ADSS2: variants seen among roughly 807,000 people sequenced by gnomAD.
ADSS2 encodes the protein adenylosuccinate synthase 2, also known as adenylosuccinate synthetase isozyme 2.
In ADSS2, 30 loss-of-function variants were observed where a neutral mutation model predicts 60.0. The ratio of observed to expected loss-of-function variants is 0.50; its 90% CI spans 0.37 to 0.68. The LOEUF (loss-of-function observed/expected upper bound fraction) is 0.68. Among genes scored for constraint, ADSS2 ranks in the 30% least tolerant of loss-of-function variants. The pLI is 0.00. For synonymous variants in ADSS2, 187 were observed against 193.1 expected, an observed-to-expected ratio of 0.97 and a Z score of 0.26; for missense variants, 373 against 554.8, an observed-to-expected ratio of 0.67 and a Z score of 3.29.
rs73129729 is a variant in ADSS2 at position 244,437,461 on chromosome 1, T to C, written c.286+205A>G. On this transcript the variant is annotated intron_variant, in intron 2 of 12. Coordinates refer to ENST00000366535, the MANE Select transcript of ADSS2 (RefSeq NM_001126.5). ...AGCACAGATGAATGCAAAGTAATCATTCCAAAAAGTATTACTGTTAAAAGA... is the reference window on the plus strand; with the variant it reads ...AGCACAGATGAATGCAAAGTAATCACTCCAAAAAGTATTACTGTTAAAAGA... 5.4e-3 allele frequency among the ~76,000 whole-genome samples: 829 copies of C among 152,274 alleles called. 15 individuals carry two copies. The highest frequency in any genetic ancestry group is 0.018 in the African/African-American group (748 of 41,550).
intron 12 of ADSS2, among the ~76,000 whole-genome samples, 198 bp downstream of exon 12, chr1:244,411,089 C>T (rs904171171): frequency 4.6e-5 from 7 of 151,986 alleles, no homozygotes; most frequent in East Asian, 1.9e-4. Context: ...GGCGTGGTGG[C>T]GCGCACCTCT....
At chr1:244,421,074 AG>A in intron 7 of ADSS2, among the ~76,000 whole-genome samples, 1 of 147,678 alleles carries the variant, frequency 6.8e-6, no homozygotes, top group East Asian at 2.0e-4. Context: ...TACACTGCCA[AG>A]TATGCAACTA....
Position 244,417,758 on chromosome 1 carries a change from G to C in ADSS2, c.946-6C>G, listed in dbSNP as rs767962864. ...TGTAATAATTCTCCAATTTCCTACA[G>C]AACAGAAAATTGAACTTTAGGATTA... On this transcript the variant is annotated splice_region_variant and splice_polypyrimidine_tract_variant and intron_variant, in intron 9 of 12. Coordinates refer to ENST00000366535, the MANE Select transcript of ADSS2 (RefSeq NM_001126.5). 6.2e-7 allele frequency: 1 copy of C among 1,612,336 alleles called. No individual in the cohort carries two copies. Among genetic ancestry groups the C allele is most frequent in the Non-Finnish European group, 8.5e-7 (1 of 1,178,696 alleles).
At chr1:244,439,369 G>A (rs554377064) in intron 1 of ADSS2, among the ~76,000 whole-genome samples, 7 of 152,156 alleles carry the variant, frequency 4.6e-5, no homozygotes, top group South Asian at 2.1e-4. Flanking sequence ...TAGCTAGTAG[G>A]TAACGAATCC....
intron 1 of ADSS2, among the ~76,000 whole-genome samples, chr1:244,445,778 C>T (rs1457951426): frequency 6.6e-6 from 1 of 152,190 alleles, no homozygotes; most frequent in East Asian, 1.9e-4. Context: ...CCCCCAAGTG[C>T]ATTTCTGCTG....
chr1:244,427,388 T>C (rs1664831294), intron 4 of ADSS2, among the ~76,000 whole-genome samples: 1 of 151,942 alleles, frequency 6.6e-6, no homozygotes, highest in Admixed American at 6.6e-5. Context: ...GGAGATAATA[T>C]TAAAAATGTT....
chr1:244,420,025 C>T (rs982833573), intron 8 of ADSS2, 145 bp downstream of exon 8: 2 of 772,442 alleles, frequency 2.6e-6, no homozygotes, highest in East Asian at 2.7e-5. Context: ...AAAAAGAGTG[C>T]CACAAGATGA....
At chr1:244,423,916 C>T in intron 6 of ADSS2, 37 bp downstream of exon 6, 1 of 1,525,596 alleles carries the variant, frequency 6.6e-7, no homozygotes, top group Admixed American at 1.9e-5. Context: ...TCAAAAAATG[C>T]ATTCATTCCT....
At chr1:244,441,513 C>T (rs1665247269) in intron 1 of ADSS2, among the ~76,000 whole-genome samples, 1 of 151,976 alleles carries the variant, frequency 6.6e-6, no homozygotes, top group Non-Finnish European at 1.5e-5. Context: ...CAAAGTCAAA[C>T]CAGGTTTTTT....
chr1:244,413,645 C>T (rs1264764623), intron 11 of ADSS2, among the ~76,000 whole-genome samples: 1 of 152,058 alleles, frequency 6.6e-6, no homozygotes, highest in Non-Finnish European at 1.5e-5. Flanking sequence ...GAGAGAAGGG[C>T]CCCCCAGAAG....
intron 12 of ADSS2, among the ~76,000 whole-genome samples, chr1:244,410,729 A>T (rs1331596592): frequency 6.6e-6 from 1 of 152,186 alleles, no homozygotes; most frequent in African/African-American, 2.4e-5. Flanking sequence ...ATAAAAAAAA[A>T]ACAGACTAAG....
At chr1:244,429,666 G>A (rs569528936) in intron 4 of ADSS2, among the ~76,000 whole-genome samples, 2 of 152,276 alleles carry the variant, frequency 1.3e-5, no homozygotes, top group East Asian at 3.9e-4. Context: ...GATCATTTGA[G>A]GTCAGGAGTT....
chr1:244,409,949 T>C (rs1162790285), intron 12 of ADSS2, among the ~76,000 whole-genome samples: 1 of 152,176 alleles, frequency 6.6e-6, no homozygotes, highest in Non-Finnish European at 1.5e-5. Context: ...GGTGATCAAG[T>C]TCCTGATAAC....
chr1:244,450,108 C>T (rs1665497075), intron 1 of ADSS2, among the ~76,000 whole-genome samples: 1 of 152,230 alleles, frequency 6.6e-6, no homozygotes, highest in African/African-American at 2.4e-5. Context: ...CTCAGCCTCT[C>T]TCCCGCTGTC....
intron 1 of ADSS2, among the ~76,000 whole-genome samples, chr1:244,439,248 T>C (rs1055641635): frequency 1.3e-5 from 2 of 152,236 alleles, no homozygotes; most frequent in South Asian, 2.1e-4. Flanking sequence ...TTTGGTTGAA[T>C]AGTACTCCAC....
chr1:244,423,940 A>T lies in ADSS2; in HGVS notation c.581+13T>A. On this transcript the variant is annotated intron_variant, in intron 6 of 12. Transcript: ENST00000366535. Reference sequence around the variant, plus strand: ...GCATTCATTCCTTCCATTTTGAAACACAAGTTAGTTACCTCTCAGAGAAGC... The same window carrying T: ...GCATTCATTCCTTCCATTTTGAAACTCAAGTTAGTTACCTCTCAGAGAAGC... 1 of 1,592,236 alleles carries T rather than the reference A, an allele frequency of 6.3e-7. No individual in the cohort carries two copies. Among genetic ancestry groups the T allele is most frequent in the Non-Finnish European group, 8.5e-7 (1 of 1,169,644 alleles).
At chr1:244,429,541 G>T (rs988928376) in intron 4 of ADSS2, among the ~76,000 whole-genome samples, 31 of 152,134 alleles carry the variant, frequency 2.0e-4, no homozygotes, top group Non-Finnish European at 2.9e-5. Flanking sequence ...TTAGTTATTT[G>T]ATTTTTTAAT....
intron 4 of ADSS2, among the ~76,000 whole-genome samples, chr1:244,426,109 T>C (rs758974018): frequency 5.9e-5 from 9 of 152,196 alleles, no homozygotes; most frequent in Non-Finnish European, 7.4e-5. Context: ...GCCCAAGCAA[T>C]AGTCTTTCTC....
chr1:244,417,267 G>A (rs933109736), intron 10 of ADSS2, among the ~76,000 whole-genome samples: 20 of 152,302 alleles, frequency 1.3e-4, no homozygotes, highest in African/African-American at 4.3e-4. Context: ...CAGGAACTCA[G>A]ACATTAAGCC....
Sources: allele counts gnomAD v4.1 joint callset (sites outside exome capture counted in the v4.1 genomes callset), GRCh38; gene constraint gnomAD v4.1.1; transcripts MANE v1.5; gene names NCBI Gene and HGNC (gene_info 2026-07-23, HGNC 2026-07-21).